GALNT10: variants seen among roughly 807,000 people sequenced by gnomAD.
GALNT10 encodes the protein polypeptide N-acetylgalactosaminyltransferase 10, also known as GalNAc transferase 10.
A neutral mutation model predicts 75.0 loss-of-function variants in GALNT10; 41 were observed. That is an observed-to-expected ratio of 0.55 (90% CI 0.43 to 0.71). The LOEUF (loss-of-function observed/expected upper bound fraction) is 0.71, where lower values mean the gene tolerates loss of function less well. Among genes scored for constraint, GALNT10 ranks in the 30% least tolerant of loss-of-function variants. The probability of loss-of-function intolerance (pLI) is 0.00; values close to 1 mark genes in which losing one functional copy is unlikely to be tolerated. For synonymous variants in GALNT10, 302 were observed against 313.0 expected (o/e 0.96, Z 0.37); for missense variants, 727 against 818.5 (o/e 0.89, Z 1.36).
At chr5:154,203,582 A>G (rs941600236) in intron 1 of GALNT10, among the ~76,000 whole-genome samples, 26 of 152,200 alleles carry the variant, frequency 1.7e-4, no homozygotes, top group African/African-American at 6.3e-4. Flanking sequence ...TCTTCCCAGA[A>G]AGCCTTCCCT....
intron 1 of GALNT10, among the ~76,000 whole-genome samples, chr5:154,225,413 C>T (rs1196140088): frequency 2.7e-5 from 4 of 145,680 alleles, no homozygotes; most frequent in African/African-American, 1.0e-4. Context: ...TTTTTAAAGG[C>T]AGGGTCTCAC....
At chr5:154,200,972 T>C (rs1020470451) in intron 1 of GALNT10, among the ~76,000 whole-genome samples, 2 of 119,012 alleles carry the variant, frequency 1.7e-5, no homozygotes, top group African/African-American at 5.6e-5. Flanking sequence ...CTAATTTCTG[T>C]TTTTTTTGTT....
intron 3 of GALNT10, among the ~76,000 whole-genome samples, chr5:154,310,450 TTTG>T (rs201153444): frequency 0.015 from 1,569 of 104,284 alleles, 23 homozygotes; most frequent in African/African-American, 0.06. Context: ...TGTTTTTTTT[TTTG>T]TTTGTTTGTT....
At chr5:154,315,904 C>T (rs1022691249) in intron 3 of GALNT10, among the ~76,000 whole-genome samples, 5 of 152,222 alleles carry the variant, frequency 3.3e-5, no homozygotes, top group Non-Finnish European at 7.3e-5. Flanking sequence ...CACTTCTCAG[C>T]TCAAACCTAC....
chr5:154,210,767 CATT>C (rs1775184540), intron 1 of GALNT10, among the ~76,000 whole-genome samples: 1 of 152,170 alleles, frequency 6.6e-6, no homozygotes, highest in African/African-American at 2.4e-5. Context: ...ACATAAAGGA[CATT>C]ATTGGAACAA....
At chr5:154,212,438 C>A (rs1752779628) in intron 1 of GALNT10, among the ~76,000 whole-genome samples, 1 of 152,186 alleles carries the variant, frequency 6.6e-6, no homozygotes, top group Non-Finnish European at 1.5e-5. Flanking sequence ...TGCAGTGGGA[C>A]CATACTGATG....
intron 4 of GALNT10, among the ~76,000 whole-genome samples, chr5:154,371,563 T>TACACAC (rs796318005): frequency 7.8e-5 from 4 of 50,972 alleles, no homozygotes; most frequent in Non-Finnish European, 2.2e-4. Flanking sequence ...TGTGTGTGTG[T>TACACAC]ACACACACAC....
In GALNT10 at chr5:154,376,311, C is replaced by A. The variant is rs376052018; in HGVS notation, c.603C>A (p.Ala201=). 28 of 1,612,670 alleles carry A rather than the reference C, an allele frequency of 1.7e-5. No individual in the cohort carries two copies. Among genetic ancestry groups the A allele is most frequent in the Non-Finnish European group, 2.3e-5 (27 of 1,179,200 alleles). The part of the protein sequence containing the change: ...HLKKPLEDYM[A]LFPSVRILRT... ...AGAAGCCTCTTGAAGACTACATGGCCCTTTTCCCCAGTGTGAGGATTCTTC... is the reference window on the plus strand; with the variant it reads ...AGAAGCCTCTTGAAGACTACATGGCACTTTTCCCCAGTGTGAGGATTCTTC... The change falls in exon 5 of 12, where the codon GCC becomes GCA. Residue 201 remains alanine (A), a synonymous_variant. Coordinates refer to ENST00000297107, the MANE Select transcript of GALNT10 (RefSeq NM_198321.4). This position sits in a 1 kb window ranked among gnomAD's most constrained non-coding sequence, Gnocchi z 4.1.
At chr5:154,335,018 G>A (rs1754922651) in intron 4 of GALNT10, among the ~76,000 whole-genome samples, 1 of 152,146 alleles carries the variant, frequency 6.6e-6, no homozygotes, top group African/African-American at 2.4e-5. Context: ...TCTTGACACT[G>A]CCCAATAAAC....
intron 1 of GALNT10, among the ~76,000 whole-genome samples, chr5:154,223,709 T>C (rs12522133): frequency 0.37 from 55,520 of 151,558 alleles, 12,261 homozygotes; most frequent in East Asian, 0.84. Flanking sequence ...CACCTGAGGT[T>C]AGGAATTTGA....
intron 6 of GALNT10, among the ~76,000 whole-genome samples, chr5:154,381,942 C>G (rs771081542): frequency 1.2e-4 from 19 of 152,228 alleles, no homozygotes; most frequent in Non-Finnish European, 2.4e-4. Flanking sequence ...ACCACAAGAT[C>G]CTTAACCTTA....
chr5:154,333,247 A>G (rs1469757345), intron 4 of GALNT10, among the ~76,000 whole-genome samples: 1 of 152,186 alleles, frequency 6.6e-6, no homozygotes, highest in East Asian at 1.9e-4. Flanking sequence ...GGCCTGGAGC[A>G]GTAGGCAGAC....
chr5:154,396,227 T>TGAAG (rs1220110657), intron 7 of GALNT10, among the ~76,000 whole-genome samples: 1 of 152,132 alleles, frequency 6.6e-6, no homozygotes, highest in Non-Finnish European at 1.5e-5. Context: ...AATGAATGAA[T>TGAAG]GAATTAGGTA....
intron 1 of GALNT10, among the ~76,000 whole-genome samples, chr5:154,192,136 C>T (rs1416191460): frequency 1.3e-5 from 2 of 152,220 alleles, no homozygotes; most frequent in East Asian, 3.8e-4. Flanking sequence ...CTGGCCTCGA[C>T]GAAAGAGGCT....
intron 4 of GALNT10, among the ~76,000 whole-genome samples, chr5:154,360,081 C>T (rs112345431): frequency 0.01 from 1,554 of 152,168 alleles, 27 homozygotes; most frequent in African/African-American, 0.036. Flanking sequence ...TAGAAGAAAC[C>T]TCAGTATTCA....
At position 154,260,000 on chromosome 5, in the gene GALNT10, A is replaced by G. The variant is rs1257195631; in HGVS notation, c.160-34816A>G. Among the ~76,000 whole-genome samples the G allele has an allele frequency of 2.0e-5, 3 of 152,170 alleles. No individual in the cohort carries two copies. In the East Asian group the frequency reaches 5.8e-4, roughly 29 times the overall value. On this transcript the variant is annotated intron_variant, in intron 1 of 11. Coordinates refer to ENST00000297107, the MANE Select transcript of GALNT10 (RefSeq NM_198321.4). ...CAGAACAGTGAGGACTTTATAATCT[A>G]GACCCAAGGAAGAAATATGAAGGGA... is the stretch of plus-strand genomic sequence containing the variant.
chr5:154,385,680 G>A (rs1048688347), intron 6 of GALNT10, among the ~76,000 whole-genome samples: 2 of 152,138 alleles, frequency 1.3e-5, no homozygotes, highest in Non-Finnish European at 2.9e-5. Context: ...CAACTGGCAT[G>A]GGATGAACAA....
chr5:154,299,498 G>T (rs1311560823), intron 3 of GALNT10, among the ~76,000 whole-genome samples: 2 of 152,224 alleles, frequency 1.3e-5, no homozygotes, highest in Non-Finnish European at 2.9e-5. Context: ...TCTGGCTCTA[G>T]AATCTGTGGT....
intron 7 of GALNT10, among the ~76,000 whole-genome samples, chr5:154,401,846 CGAG>C (rs1756173063): frequency 2.6e-5 from 4 of 152,188 alleles, no homozygotes; most frequent in Non-Finnish European, 5.9e-5. Context: ...ACGACCTCAT[CGAG>C]CAGTTCCAAC....
Sources: allele counts gnomAD v4.1 joint callset (sites outside exome capture counted in the v4.1 genomes callset), GRCh38; gene constraint gnomAD v4.1.1; non-coding constraint Gnocchi (gnomAD v3.1); transcripts MANE v1.5; gene names NCBI Gene and HGNC (gene_info 2026-07-23, HGNC 2026-07-21).